Variants in AGMO observed in about 807,000 individuals in gnomAD.
The protein encoded by AGMO is glyceryl-ether monooxygenase.
In AGMO, 75 loss-of-function variants were observed where a neutral mutation model predicts 60.2. The observed-to-expected ratio is 1.25, with a 90% CI of 1.03 to 1.51. The LOEUF (loss-of-function observed/expected upper bound fraction) is 1.51, where lower values mean the gene tolerates loss of function less well. AGMO is among the 40% of genes most tolerant of loss of function. AGMO has a pLI of 0.00. For synonymous variants in AGMO, 261 were observed against 177.1 expected (o/e 1.47, Z -3.76); for missense variants, 763 against 525.5 (o/e 1.45, Z -4.42).
At chr7:15,242,361 T>C (rs1012953951) in intron 12 of AGMO, among the ~76,000 whole-genome samples, 1 of 152,194 alleles carries the variant, frequency 6.6e-6, no homozygotes, top group Non-Finnish European at 1.5e-5. Context: ...TAAGTCCTAA[T>C]TCCATCCATA....
At chr7:15,303,838 C>T (rs1257104553) in intron 12 of AGMO, among the ~76,000 whole-genome samples, 1 of 152,118 alleles carries the variant, frequency 6.6e-6, no homozygotes. Flanking sequence ...CCACACACAG[C>T]ACATACACAT....
intron 12 of AGMO, among the ~76,000 whole-genome samples, chr7:15,307,862 C>T (rs914481522): frequency 6.6e-6 from 1 of 152,066 alleles, no homozygotes; most frequent in African/African-American, 2.4e-5. Flanking sequence ...AAATAAGACC[C>T]ATACCTCCTT....
chr7:15,556,815 T>C (rs1785155806), intron 2 of AGMO, among the ~76,000 whole-genome samples: 3 of 152,082 alleles, frequency 2.0e-5, no homozygotes, highest in African/African-American at 7.2e-5. Context: ...ATCTGCATGA[T>C]ACACTGTGTT....
chr7:15,537,581 T>A (rs999430592), intron 3 of AGMO, among the ~76,000 whole-genome samples: 1 of 152,206 alleles, frequency 6.6e-6, no homozygotes, highest in African/African-American at 2.4e-5. Flanking sequence ...TCCTAATTAT[T>A]CCTGGAAATA....
chr7:15,492,771 G>A (rs1783101995), intron 3 of AGMO, among the ~76,000 whole-genome samples: 1 of 152,082 alleles, frequency 6.6e-6, no homozygotes, highest in Admixed American at 6.5e-5. Context: ...AAGGCAGGAA[G>A]GTGGGGAGAA....
chr7:15,239,519 C>T (rs1319454536), intron 12 of AGMO, among the ~76,000 whole-genome samples: 1 of 152,046 alleles, frequency 6.6e-6, no homozygotes, highest in Non-Finnish European at 1.5e-5. Flanking sequence ...TCTTCAATGT[C>T]CAACAGTGTA....
chr7:15,354,395 CACGT>C (rs1482834311), intron 12 of AGMO, among the ~76,000 whole-genome samples: 2,360 of 37,484 alleles, frequency 0.063, 169 homozygotes, highest in African/African-American at 0.13. Flanking sequence ...TGTGTGTATA[CACGT>C]GTGTGTACAC....
At position 15,354,358 on chromosome 7, in the gene AGMO, GTGTGTATATAGA is replaced by G. The variant is rs1563105011; in HGVS notation, c.1263+11144_1263+11155del. ...TGTATATACACGCGTGTATATAGAC[GTGTGTATATAGA>G]CGTGTGTATACACGTGTGTGTATAC... On this transcript the variant is annotated intron_variant, in intron 12 of 12. Transcript: ENST00000342526. Among the ~76,000 whole-genome samples, 6 of 67,910 alleles carry G rather than the reference GTGTGTATATAGA, an allele frequency of 8.8e-5. 1 individual carries two copies. Among genetic ancestry groups the G allele is most frequent in the African/African-American group, 4.8e-4 (6 of 12,414 alleles). 44.6% of individuals were successfully genotyped at this position (67,910 alleles called of 152,430 possible). A position where few individuals can be genotyped will look rare whatever the true frequency, so the allele number is the denominator to read the frequency against.
intron 12 of AGMO, among the ~76,000 whole-genome samples, chr7:15,223,877 G>T (rs1781995185): frequency 6.6e-6 from 1 of 151,728 alleles, no homozygotes; most frequent in South Asian, 2.1e-4. Context: ...TTATGAATAT[G>T]TCAATGTCAC....
At chr7:15,223,647 A>G (rs536619186) in intron 12 of AGMO, among the ~76,000 whole-genome samples, 3 of 151,868 alleles carry the variant, frequency 2.0e-5, no homozygotes, top group African/African-American at 7.2e-5. Context: ...GTTATAAAAA[A>G]CTCCCATAGA....
chr7:15,300,485 T>G (rs942291488), intron 12 of AGMO, among the ~76,000 whole-genome samples: 1 of 152,120 alleles, frequency 6.6e-6, no homozygotes, highest in African/African-American at 2.4e-5. Flanking sequence ...CATTGTTATT[T>G]AATTAAGGTG....
chr7:15,315,440 C>T (rs754758621), intron 12 of AGMO, among the ~76,000 whole-genome samples: 12 of 138,784 alleles, frequency 8.6e-5, no homozygotes, highest in Non-Finnish European at 1.7e-4. Context: ...CTAGTTCAAG[C>T]GATTCTCCTG....
chr7:15,131,757 AACACAC>A, the AGMO span, among the ~76,000 whole-genome samples: 305 of 146,358 alleles, frequency 2.1e-3, no homozygotes, highest in Non-Finnish European at 3.1e-3. Context: ...CAAAGAAATT[AACACAC>A]ACACACACAC....
chr7:15,229,889 G>A (rs1782206254), intron 12 of AGMO, among the ~76,000 whole-genome samples: 1 of 151,130 alleles, frequency 6.6e-6, no homozygotes, highest in Non-Finnish European at 1.5e-5. Flanking sequence ...TCTGTAAAAG[G>A]AATTAGAAAC....
At chr7:15,530,800 C>A (rs62440693) in intron 3 of AGMO, among the ~76,000 whole-genome samples, 95,574 of 122,306 alleles carry the variant, frequency 0.78, 37,133 homozygotes, top group East Asian at 0.96. Context: ...ATACATTTCT[C>A]TATATATTCT....
intron 10 of AGMO, among the ~76,000 whole-genome samples, chr7:15,375,925 G>T (rs1269855532): frequency 6.6e-6 from 1 of 152,016 alleles, no homozygotes; most frequent in Non-Finnish European, 1.5e-5. Context: ...GTGATATGAA[G>T]ATATATTTAA....
intron 2 of AGMO, among the ~76,000 whole-genome samples, chr7:15,555,677 G>A (rs1391340597): frequency 6.6e-6 from 1 of 151,854 alleles, no homozygotes; most frequent in African/African-American, 2.4e-5. Flanking sequence ...AAATGAATTT[G>A]ATACATTATT....
rs1784112107 is a variant in AGMO at position 15,390,915 on chromosome 7, A to C, written c.677-10T>G. 1 of 1,549,754 alleles carries C rather than the reference A, an allele frequency of 6.5e-7. No individual in the cohort carries two copies. The highest frequency in any genetic ancestry group is 1.4e-5 in the African/African-American group (1 of 72,554). On this transcript the variant is annotated splice_polypyrimidine_tract_variant and intron_variant, in intron 6 of 12. Coordinates refer to ENST00000342526, the MANE Select transcript of AGMO (RefSeq NM_001004320.2). ...CAATAACGATTTCTGCCTATGAGACAAAATATTAGAAATTTTTTTTCAGAA... is the reference window on the plus strand; with the variant it reads ...CAATAACGATTTCTGCCTATGAGACCAAATATTAGAAATTTTTTTTCAGAA...
the AGMO span, among the ~76,000 whole-genome samples, chr7:15,142,968 G>A: frequency 6.6e-6 from 1 of 152,180 alleles, no homozygotes; most frequent in Non-Finnish European, 1.5e-5. Context: ...GAAGCAAAGA[G>A]TTTAAATCAT....
Sources: allele counts gnomAD v4.1 joint callset (sites outside exome capture counted in the v4.1 genomes callset), GRCh38; gene constraint gnomAD v4.1.1; transcripts MANE v1.5; gene names NCBI Gene and HGNC (gene_info 2026-07-23, HGNC 2026-07-21).